MAST4: variants seen among roughly 807,000 people sequenced by gnomAD.
The protein encoded by MAST4 is microtubule associated serine/threonine kinase family member 4.
In MAST4, 89 loss-of-function variants were observed where a neutral mutation model predicts 162.7. The observed-to-expected ratio is 0.55, with a 90% CI of 0.46 to 0.65. The LOEUF is 0.65. MAST4 is among the 30% of genes least tolerant of loss of function. The pLI is 0.00. For synonymous variants in MAST4, 1,479 were observed against 1,361.1 expected (o/e 1.09, Z -1.91); for missense variants, 3,153 against 3,374.0 (o/e 0.93, Z 1.62).
At chr5:66,918,586 T>C (rs566649919) in intron 4 of MAST4, among the ~76,000 whole-genome samples, 1 of 152,180 alleles carries the variant, frequency 6.6e-6, no homozygotes, top group Non-Finnish European at 1.5e-5. Flanking sequence ...AATAAATACG[T>C]TGTGTTTTTC....
chr5:66,722,043 C>T (rs576223330), intron 1 of MAST4, among the ~76,000 whole-genome samples: 1 of 152,194 alleles, frequency 6.6e-6, no homozygotes, highest in South Asian at 2.1e-4. Flanking sequence ...CTCCTTGCTT[C>T]CATCCCTGCC....
At chr5:66,605,699 A>C (rs964731448) in intron 1 of MAST4, among the ~76,000 whole-genome samples, 6 of 152,188 alleles carry the variant, frequency 3.9e-5, no homozygotes, top group Non-Finnish European at 7.3e-5. Context: ...AGAGCCTGTA[A>C]GACCCCTGAG....
chr5:66,814,750 A>G (rs184834558), intron 3 of MAST4, among the ~76,000 whole-genome samples: 2 of 152,346 alleles, frequency 1.3e-5, no homozygotes, highest in African/African-American at 4.8e-5. Flanking sequence ...GGAAGAAAAC[A>G]TTCTAATTCT....
chr5:66,897,500 C>A (rs1580802429), intron 3 of MAST4, among the ~76,000 whole-genome samples: 1 of 152,236 alleles, frequency 6.6e-6, no homozygotes, highest in Admixed American at 6.5e-5. Flanking sequence ...CTGGTATTTG[C>A]AGACTTTTGC....
At chr5:66,611,582 T>C (rs1467558070) in intron 1 of MAST4, among the ~76,000 whole-genome samples, 1 of 152,222 alleles carries the variant, frequency 6.6e-6, no homozygotes, top group Admixed American at 6.5e-5. Context: ...TCTCTTGATA[T>C]CTCTTTAGGG....
At chr5:67,043,155 C>T (rs1756972204) in intron 4 of MAST4, among the ~76,000 whole-genome samples, 1 of 151,844 alleles carries the variant, frequency 6.6e-6, no homozygotes, top group Non-Finnish European at 1.5e-5. Flanking sequence ...AGGAAGAGAC[C>T]CTTTTATTTT....
At chr5:66,709,086 G>A (rs2149521181) in intron 1 of MAST4, among the ~76,000 whole-genome samples, 2 of 152,058 alleles carry the variant, frequency 1.3e-5, no homozygotes, top group Middle Eastern at 6.8e-3. Context: ...TTTTGCAGGT[G>A]GCTGTATTAT....
chr5:66,602,300 T>G (rs1230059518), intron 1 of MAST4, among the ~76,000 whole-genome samples: 3 of 152,132 alleles, frequency 2.0e-5, no homozygotes, highest in African/African-American at 7.2e-5. Flanking sequence ...AAGTGTGGTG[T>G]TTGGGTACTA....
chr5:67,084,383 G>A (rs1763007416), intron 5 of MAST4, among the ~76,000 whole-genome samples: 2 of 152,162 alleles, frequency 1.3e-5, no homozygotes, highest in African/African-American at 4.8e-5. Flanking sequence ...CATGAAGTGA[G>A]TTTGGAGTTG....
Position 66,787,010 on chromosome 5 carries a change from G to GGTGTT in MAST4, c.518-1658_518-1654dup, listed in dbSNP as rs562597275. On this transcript the variant is annotated intron_variant, in intron 2 of 28. Transcript: ENST00000403625. ...AGAAAGTCTAGAGGAAAATCACTAA[G>GGTGTT]GTGTTGATAGTGGTTTTATCTGGTG... Among the ~76,000 whole-genome samples, 6 of 152,236 alleles carry GGTGTT rather than the reference G, an allele frequency of 3.9e-5. No individual in the cohort carries two copies. The South Asian group carries it at 1.2e-3, about 32-fold the overall frequency.
intron 3 of MAST4, among the ~76,000 whole-genome samples, chr5:66,848,950 C>G (rs1759097397): frequency 6.6e-6 from 1 of 152,148 alleles, no homozygotes; most frequent in Non-Finnish European, 1.5e-5. Flanking sequence ...GCTGCGTTCC[C>G]CAGCGTTATG....
chr5:66,889,123 C>T (rs994175235), intron 3 of MAST4, among the ~76,000 whole-genome samples: 3 of 152,178 alleles, frequency 2.0e-5, no homozygotes, highest in African/African-American at 7.2e-5. Context: ...TCGATGGTAA[C>T]TTTCTTCCCA....
At chr5:66,957,856 G>GA (rs1178480250) in intron 4 of MAST4, among the ~76,000 whole-genome samples, 6 of 152,214 alleles carry the variant, frequency 3.9e-5, no homozygotes, top group African/African-American at 1.2e-4. Context: ...TAAAACCATG[G>GA]AAAGCAGACC....
intron 19 of MAST4, among the ~76,000 whole-genome samples, chr5:67,138,048 T>C (rs112450938): frequency 3.3e-5 from 5 of 152,194 alleles, no homozygotes; most frequent in Non-Finnish European, 7.3e-5. Context: ...GAAAAGCCAA[T>C]ATAAATTGAG....
intron 5 of MAST4, among the ~76,000 whole-genome samples, chr5:67,087,277 C>T (rs968095589): frequency 2.0e-5 from 3 of 152,178 alleles, no homozygotes; most frequent in Non-Finnish European, 4.4e-5. Context: ...CTGCTAACGA[C>T]TATGCTTGGT....
intron 3 of MAST4, among the ~76,000 whole-genome samples, chr5:66,828,298 G>C (rs552318363): frequency 3.3e-5 from 5 of 152,102 alleles, no homozygotes. Context: ...TGTGTGTTCT[G>C]CTACATTTTT....
chr5:66,698,225 C>T (rs1749537278), intron 1 of MAST4, among the ~76,000 whole-genome samples: 1 of 152,072 alleles, frequency 6.6e-6, no homozygotes, highest in African/African-American at 2.4e-5. Flanking sequence ...CTCTTAGTTC[C>T]CGCAGCTGAG....
chr5:67,129,692 C>G (rs1319910260), intron 14 of MAST4, among the ~76,000 whole-genome samples: 1 of 150,174 alleles, frequency 6.7e-6, no homozygotes, highest in Non-Finnish European at 1.5e-5. Flanking sequence ...CCACTGCACT[C>G]TAGCCTGGGC....
intron 2 of MAST4, among the ~76,000 whole-genome samples, chr5:66,765,209 G>A (rs778078537): frequency 3.5e-4 from 54 of 152,194 alleles, no homozygotes; most frequent in Middle Eastern, 3.4e-3. Flanking sequence ...AATTGCCTAA[G>A]GAAGCATTTC....
Sources: gnomAD v4.1 joint callset for allele counts (sites outside exome capture counted in the v4.1 genomes callset) on GRCh38, gnomAD v4.1.1 for gene constraint, MANE v1.5 for transcripts, NCBI Gene and HGNC (gene_info 2026-07-23, HGNC 2026-07-21) for gene names.